PTPRO: variants seen among roughly 807,000 people sequenced by gnomAD.
PTPRO encodes receptor-type tyrosine-protein phosphatase O.
A neutral mutation model predicts 145.2 loss-of-function variants in PTPRO; 62 were observed. That is an observed-to-expected ratio of 0.43 (90% CI 0.35 to 0.53). PTPRO has a LOEUF of 0.53. Ranked by LOEUF, PTPRO falls within the 20% of genes least tolerant of loss-of-function variation. The pLI is 0.01. For missense variants in PTPRO, 1,345 were observed against 1,482.7 expected (o/e 0.91, Z 1.53); for synonymous variants, 565 against 514.7 (o/e 1.10, Z -1.32).
At chr12:15,457,247 C>A (rs771867770) in intron 1 of PTPRO, among the ~76,000 whole-genome samples, 1 of 152,208 alleles carries the variant, frequency 6.6e-6, no homozygotes, top group Admixed American at 6.5e-5. Context: ...TAGCCTCTGA[C>A]TGAGCCAATA....
chr12:15,585,042 G>A (rs1465620637), intron 23 of PTPRO, among the ~76,000 whole-genome samples: 1 of 152,180 alleles, frequency 6.6e-6, no homozygotes. Flanking sequence ...TCAGCTCACA[G>A]GGCTGACCCC....
At chr12:15,567,162 A>AG (rs1259803815) in intron 18 of PTPRO, among the ~76,000 whole-genome samples, 1 of 152,006 alleles carries the variant, frequency 6.6e-6, no homozygotes, top group Non-Finnish European at 1.5e-5. Flanking sequence ...GCAAAAAAAA[A>AG]CTCACATCAA....
chr12:15,373,368 G>A (rs915602190), intron 1 of PTPRO, among the ~76,000 whole-genome samples: 18 of 152,286 alleles, frequency 1.2e-4, no homozygotes, highest in South Asian at 2.1e-4. Context: ...ACAAATCTTC[G>A]TCAGTTGTTT....
intron 2 of PTPRO, among the ~76,000 whole-genome samples, chr12:15,492,714 G>T (rs1942024726): frequency 6.6e-6 from 1 of 152,138 alleles, no homozygotes; most frequent in African/African-American, 2.4e-5. Flanking sequence ...AGCTTCAGTA[G>T]ATAGGACAAA....
At chr12:15,428,712 C>T (rs1399596642) in intron 1 of PTPRO, among the ~76,000 whole-genome samples, 1 of 152,092 alleles carries the variant, frequency 6.6e-6, no homozygotes, top group East Asian at 1.9e-4. Flanking sequence ...TGTAAGCGGT[C>T]ATCCAAGCCT....
intron 2 of PTPRO, among the ~76,000 whole-genome samples, chr12:15,485,443 A>G (rs1941865614): frequency 6.6e-6 from 1 of 152,158 alleles, no homozygotes; most frequent in South Asian, 2.1e-4. Flanking sequence ...CCTACAATAC[A>G]AACTCCTTAA....
At chr12:15,356,696 GAACTT>G (rs1937999940) in intron 1 of PTPRO, among the ~76,000 whole-genome samples, 1 of 152,118 alleles carries the variant, frequency 6.6e-6, no homozygotes, top group African/African-American at 2.4e-5. Context: ...TCTGAGCAGA[GAACTT>G]AACCTTTCTG....
intron 12 of PTPRO, among the ~76,000 whole-genome samples, chr12:15,542,078 G>A (rs1943192259): frequency 6.6e-6 from 1 of 152,084 alleles, no homozygotes; most frequent in Admixed American, 6.5e-5. Context: ...TTAGGCGGAG[G>A]GGATATAATT....
chr12:15,510,772 G>A (rs1227781428), intron 7 of PTPRO, among the ~76,000 whole-genome samples: 2 of 152,046 alleles, frequency 1.3e-5, no homozygotes, highest in Admixed American at 1.3e-4. Flanking sequence ...AAATAAATGT[G>A]TAGAAAAGCA....
At chr12:15,398,568 T>C (rs1223444114) in intron 1 of PTPRO, among the ~76,000 whole-genome samples, 1 of 152,178 alleles carries the variant, frequency 6.6e-6, no homozygotes, top group Non-Finnish European at 1.5e-5. Flanking sequence ...ACAGAGTGTT[T>C]TGAGAATCAA....
chr12:15,442,979 A>T (rs1940810100), intron 1 of PTPRO, among the ~76,000 whole-genome samples: 1 of 152,152 alleles, frequency 6.6e-6, no homozygotes, highest in Non-Finnish European at 1.5e-5. Context: ...AACTATTCTA[A>T]AATTTATACA....
At chr12:15,330,178 G>A (rs1866566507) in intron 1 of PTPRO, among the ~76,000 whole-genome samples, 1 of 152,216 alleles carries the variant, frequency 6.6e-6, no homozygotes, top group African/African-American at 2.4e-5. Context: ...CTATCCCAAA[G>A]GTAGAGCCAG....
chr12:15,552,073 C>CTTT (rs1426724029), intron 15 of PTPRO, among the ~76,000 whole-genome samples: 1 of 151,040 alleles, frequency 6.6e-6, no homozygotes, highest in African/African-American at 2.4e-5. Flanking sequence ...GGCGGGAAAT[C>CTTT]CTCTCCATAA....
At chr12:15,514,969 T>A (rs1163673288) in intron 7 of PTPRO, among the ~76,000 whole-genome samples, 1 of 151,994 alleles carries the variant, frequency 6.6e-6, no homozygotes, top group East Asian at 1.9e-4. Context: ...TTCACTATGT[T>A]CGTCAGGCTG....
At chr12:15,584,709 GC>G (rs1330731456) in intron 23 of PTPRO, among the ~76,000 whole-genome samples, 1 of 152,086 alleles carries the variant, frequency 6.6e-6, no homozygotes, top group African/African-American at 2.4e-5. Context: ...AGAACATTGT[GC>G]TATGCTAATT....
chr12:15,450,727 C>T (rs553283100), intron 1 of PTPRO, among the ~76,000 whole-genome samples: 40 of 152,090 alleles, frequency 2.6e-4, no homozygotes, highest in African/African-American at 8.7e-4. Flanking sequence ...GAGCCATGAT[C>T]GCACTACTGC....
intron 23 of PTPRO, among the ~76,000 whole-genome samples, chr12:15,586,596 C>T (rs1944434787): frequency 6.6e-6 from 1 of 152,180 alleles, no homozygotes; most frequent in African/African-American, 2.4e-5. Flanking sequence ...AATTCATTAG[C>T]CAAAACTGAT....
chr12:15,506,495 C>A (rs1175127972), intron 6 of PTPRO, among the ~76,000 whole-genome samples: 1 of 152,166 alleles, frequency 6.6e-6, no homozygotes. Flanking sequence ...TTAATCGACT[C>A]ACAGTTCTGC....
chr12:15,408,674 C>G (rs1307181596), intron 1 of PTPRO, among the ~76,000 whole-genome samples: 2 of 152,106 alleles, frequency 1.3e-5, no homozygotes, highest in South Asian at 2.1e-4. Context: ...GTGATCTGCC[C>G]GCCTTGCCCT....
Sources: gnomAD v4.1 joint callset for allele counts (sites outside exome capture counted in the v4.1 genomes callset) on GRCh38, gnomAD v4.1.1 for gene constraint, MANE v1.5 for transcripts, NCBI Gene and HGNC (gene_info 2026-07-23, HGNC 2026-07-21) for gene names.